Variants in PCDHGA4 observed in about 807,000 individuals in gnomAD.
PCDHGA4 encodes the protein protocadherin gamma-A4.
Under a neutral mutation model 54.6 loss-of-function variants are expected in PCDHGA4, and 38 were observed. The ratio of observed to expected loss-of-function variants is 0.70; its 90% CI spans 0.54 to 0.91. The LOEUF is 0.91. Ranked by LOEUF, PCDHGA4 falls within the 40% of genes least tolerant of loss-of-function variation. The pLI, the probability that PCDHGA4 is intolerant of heterozygous loss-of-function variation, is 0.00. For missense variants in PCDHGA4, 1,298 were observed against 1,220.9 expected, an observed-to-expected ratio of 1.06 and a Z score of -0.94; for synonymous variants, 511 against 512.9, an observed-to-expected ratio of 1.00 and a Z score of 0.05.
Position 141,490,325 on chromosome 5 carries a change from G to A in PCDHGA4, c.2515-4482G>A. 1 of 1,614,236 alleles carries A rather than the reference G, an allele frequency of 6.2e-7. No individual in the cohort carries two copies. Among genetic ancestry groups the A allele is most frequent in the Non-Finnish European group, 8.5e-7 (1 of 1,180,038 alleles). On this transcript the variant is annotated intron_variant, in intron 1 of 3. Transcript: ENST00000571252. This position sits in a 1 kb window ranked among gnomAD's most constrained non-coding sequence, Gnocchi z 5.4. ...TCTTTGGCCAACCCTGTCCTAGAGA[G>A]CACACCAGTGGGCACAGTAGTGGGG...
intron 1 of PCDHGA4, among the ~76,000 whole-genome samples, chr5:141,492,164 C>G (rs1180358388): frequency 6.6e-6 from 1 of 152,230 alleles, no homozygotes; most frequent in Non-Finnish European, 1.5e-5. Context: ...CTCCCTATCC[C>G]CGCATCACCC....
rs146372628 is a variant in PCDHGA4, at chr5:141,476,246, G to A, written c.2515-18561G>A. On this transcript the variant is annotated intron_variant, in intron 1 of 3. Coordinates refer to ENST00000571252, the MANE Select transcript of PCDHGA4 (RefSeq NM_018917.4). The surrounding 1 kb of genome is among the most constrained non-coding windows in gnomAD (Gnocchi z 7.6). ...TGAGATCCCGGAGGAAAGAGAGAAG[G>A]GTTTCGCTGTGGGCAACGTGGTCGC... 1.0e-3 allele frequency: 1,689 copies of A among 1,613,996 alleles called. 1 individual carries two copies. Among genetic ancestry groups the A allele is most frequent in the Non-Finnish European group, 1.3e-3 (1,557 of 1,180,008 alleles).
At chr5:141,376,368 A>C in intron 1 of PCDHGA4, 1 of 1,613,920 alleles carries the variant, frequency 6.2e-7, no homozygotes, top group Non-Finnish European at 8.5e-7. Flanking sequence ...CTCACTGCAG[A>C]CTCGCGTAAG....
chr5:141,388,395 C>T (rs1445370262), intron 1 of PCDHGA4: 10 of 1,613,928 alleles, frequency 6.2e-6, no homozygotes, highest in Middle Eastern at 1.6e-4. Flanking sequence ...GCAGAATTAC[C>T]AACTCAGTCC....
At chr5:141,505,260 C>T in intron 2 of PCDHGA4, 133 bp from the exon 3 acceptor site, 2 of 1,502,832 alleles carry the variant, frequency 1.3e-6, no homozygotes, top group South Asian at 1.3e-5. Context: ...TGCCTCCTAC[C>T]TTGCTGAGAG....
chr5:141,456,536 G>A (rs1231730255), intron 1 of PCDHGA4, among the ~76,000 whole-genome samples: 1 of 152,158 alleles, frequency 6.6e-6, no homozygotes, highest in Non-Finnish European at 1.5e-5. Flanking sequence ...AATTAAAGAG[G>A]GATTGTAGCC....
intron 1 of PCDHGA4, among the ~76,000 whole-genome samples, chr5:141,430,213 A>G (rs892801149): frequency 6.6e-6 from 1 of 151,106 alleles, no homozygotes; most frequent in Non-Finnish European, 1.5e-5. Context: ...AAATTATTAT[A>G]TTATATGATT....
At chr5:141,444,002 C>T (rs2098413409) in intron 1 of PCDHGA4, among the ~76,000 whole-genome samples, 1 of 151,918 alleles carries the variant, frequency 6.6e-6, no homozygotes, top group African/African-American at 2.4e-5. Flanking sequence ...TAAATGCTAC[C>T]TGGGTATTGG....
chr5:141,510,709 CAGTGAGTAAGGAA>C (rs1452833908), intron 3 of PCDHGA4, among the ~76,000 whole-genome samples: 7 of 152,168 alleles, frequency 4.6e-5, no homozygotes, highest in Admixed American at 4.6e-4. Flanking sequence ...CCCAGGATCA[CAGTGAGTAAGGAA>C]AGGAGCTAGG....
Position 141,432,151 on chromosome 5 carries a change from C to T in PCDHGA4, c.2515-62656C>T. 2 of 1,614,122 alleles carry T rather than the reference C, an allele frequency of 1.2e-6. No homozygotes were observed. The highest frequency in any genetic ancestry group is 2.2e-5 in the South Asian group (2 of 91,066). ...CCTATTCCGCTTATATCCCAGAGAA[C>T]AATCCCAGAGGAGTTTCCCTCGTCT... On this transcript the variant is annotated intron_variant, in intron 1 of 3. Transcript: ENST00000571252. The surrounding 1 kb of genome is among the most constrained non-coding windows in gnomAD (Gnocchi z 6.0).
chr5:141,399,030 G>C, intron 1 of PCDHGA4: 1 of 1,613,824 alleles, frequency 6.2e-7, no homozygotes, highest in Non-Finnish European at 8.5e-7. Flanking sequence ...CCACTCAAAA[G>C]AAACTGGATT....
chr5:141,379,410 A>T (rs1314256524), intron 1 of PCDHGA4: 1 of 152,226 alleles, frequency 6.6e-6, no homozygotes, highest in African/African-American at 2.4e-5. Context: ...CTTGGATATT[A>T]GTCTCATGAG....
At position 141,432,782 on chromosome 5, in the gene PCDHGA4, C is replaced by G. The variant is rs547164205; in HGVS notation, c.2515-62025C>G. On this transcript the variant is annotated intron_variant, in intron 1 of 3. Transcript: ENST00000571252. The surrounding 1 kb of genome is among the most constrained non-coding windows in gnomAD (Gnocchi z 6.0). ...CAGCATCCCCCAAGTCCTGGCGGACCTCGGCAGCCTCGAGTCTCCAGCTAA... is the reference window on the plus strand; with the variant it reads ...CAGCATCCCCCAAGTCCTGGCGGACGTCGGCAGCCTCGAGTCTCCAGCTAA... 4.3e-6 allele frequency: 7 copies of G among 1,614,046 alleles called. No individual in the cohort carries two copies. The highest frequency in any genetic ancestry group is 3.3e-4 in the Middle Eastern group (2 of 6,084).
Position 141,355,686 on chromosome 5 carries a change from A to G in PCDHGA4, c.579A>G (p.Val193=). 1 of 1,613,980 alleles carries G rather than the reference A, an allele frequency of 6.2e-7. No homozygotes were observed. Among genetic ancestry groups the G allele is most frequent in the Non-Finnish European group, 8.5e-7 (1 of 1,179,880 alleles). ...TTCCTGAAGCTTTTGATCCGGATGT[A>G]GGTGTAAACTCCCTGCAGGGTTACC... ...FPLPEAFDPD[V]GVNSLQGYQL... The change falls in exon 1 of 4, where the codon GTA becomes GTG. Residue 193 remains valine (V), a synonymous_variant. Transcript: ENST00000571252.
intron 1 of PCDHGA4, chr5:141,382,977 C>T: frequency 6.2e-7 from 1 of 1,610,566 alleles, no homozygotes. Context: ...CCTGGGAAGC[C>T]TGGGCAGGAC....
At chr5:141,418,441 A>G (rs2096258419) in intron 1 of PCDHGA4, 3 of 1,614,000 alleles carry the variant, frequency 1.9e-6, no homozygotes, top group South Asian at 1.1e-5. Flanking sequence ...ATCCAGAATT[A>G]GTATTGCAGA....
chr5:141,437,388 C>T (rs1434464979), intron 1 of PCDHGA4, among the ~76,000 whole-genome samples: 1 of 152,186 alleles, frequency 6.6e-6, no homozygotes, highest in Non-Finnish European at 1.5e-5. Context: ...AGACATTCAT[C>T]CACTGCTTTC....
At chr5:141,413,451 CA>C (rs1561742676) in intron 1 of PCDHGA4, 1 of 1,614,118 alleles carries the variant, frequency 6.2e-7, no homozygotes, top group East Asian at 2.2e-5. Context: ...TCACCGCGGG[CA>C]GGATAGACCG....
At chr5:141,422,714 C>T (rs2096666670) in intron 1 of PCDHGA4, 1 of 1,603,720 alleles carries the variant, frequency 6.2e-7, no homozygotes, top group South Asian at 1.1e-5. Flanking sequence ...ACGGATGACA[C>T]TGTCCAGGGG....
Sources: allele counts gnomAD v4.1 joint callset (sites outside exome capture counted in the v4.1 genomes callset), GRCh38; gene constraint gnomAD v4.1.1; non-coding constraint Gnocchi (gnomAD v3.1); transcripts MANE v1.5; gene names NCBI Gene and HGNC (gene_info 2026-07-23, HGNC 2026-07-21).